The following PSMD1 variants were observed in gnomAD, a reference collection of about 807,000 sequenced individuals.
PSMD1 encodes the protein proteasome 26S subunit, non-ATPase 1, also known as 26S proteasome non-ATPase regulatory subunit 1.
Under a neutral mutation model 119.0 loss-of-function variants are expected in PSMD1, and 18 were observed. The observed-to-expected ratio is 0.15, with a 90% CI of 0.10 to 0.22. The LOEUF (loss-of-function observed/expected upper bound fraction) is 0.22. Among genes scored for constraint, PSMD1 ranks in the 10% least tolerant of loss-of-function variants. PSMD1 has a pLI of 1.00. For synonymous variants in PSMD1, 374 were observed against 396.6 expected, an observed-to-expected ratio of 0.94 and a Z score of 0.68; for missense variants, 702 against 1,158.5, an observed-to-expected ratio of 0.61 and a Z score of 5.72.
chr2:231,061,802 TCAAGTGATCCCCCCG>T (rs1163380910), intron 2 of PSMD1, among the ~76,000 whole-genome samples: 1 of 152,142 alleles, frequency 6.6e-6, no homozygotes, highest in Non-Finnish European at 1.5e-5. Flanking sequence ...GCTCCTGGGC[TCAAGTGATCCCCCCG>T]CCTTGACCTC....
At position 231,170,812 on chromosome 2, in the gene PSMD1, C is replaced by T. The variant is rs1696895421; in HGVS notation, c.*9+91C>T. ...GGACATCATCTCACGTTTTTCCTTCCTTTTGTGTTTAATCCTTATTTACCT... is the reference window on the plus strand; with the variant it reads ...GGACATCATCTCACGTTTTTCCTTCTTTTTGTGTTTAATCCTTATTTACCT... On this transcript the variant is annotated intron_variant, in intron 24 of 24. Coordinates refer to ENST00000308696, the MANE Select transcript of PSMD1 (RefSeq NM_002807.4). This position sits in a 1 kb window ranked among gnomAD's most constrained non-coding sequence, Gnocchi z 4.1. 1.5e-6 allele frequency: 2 copies of T among 1,345,602 alleles called. No homozygotes were observed. Among genetic ancestry groups the T allele is most frequent in the Non-Finnish European group, 2.0e-6 (2 of 1,002,644 alleles). 83.4% of individuals were successfully genotyped at this position (1,345,602 alleles called of 1,614,324 possible).
At chr2:231,060,705 A>G (rs2125149980) in intron 1 of PSMD1, among the ~76,000 whole-genome samples, 1 of 152,340 alleles carries the variant, frequency 6.6e-6, no homozygotes, top group Middle Eastern at 3.4e-3. Flanking sequence ...TTGTGATAGG[A>G]AAGAGGTGCC....
chr2:231,167,386 C>T (rs1696810874), intron 23 of PSMD1, among the ~76,000 whole-genome samples: 1 of 152,212 alleles, frequency 6.6e-6, no homozygotes, highest in Non-Finnish European at 1.5e-5. Context: ...CAGTGAGGCA[C>T]GTGCTCAATG....
At chr2:231,154,140 A>G (rs895211450) in intron 19 of PSMD1, among the ~76,000 whole-genome samples, 2 of 148,198 alleles carry the variant, frequency 1.3e-5, no homozygotes, top group African/African-American at 5.0e-5. Flanking sequence ...AAAAAAAAGT[A>G]CAGGCTGTTG....
rs1301294617 is a variant in PSMD1 at position 231,170,662 on chromosome 2, G to A, written c.2812G>A (p.Glu938Lys). 1 of 1,614,106 alleles carries A rather than the reference G, an allele frequency of 6.2e-7. No individual in the cohort carries two copies. Among genetic ancestry groups the A allele is most frequent in the East Asian group, 2.2e-5 (1 of 44,876 alleles). ...VAAHGPKIEE[E>K]EQEPEPPEPF... ...AGCACATGGCCCAAAAATCGAGGAG[G>A]AGGAACAAGAGCCAGAACCCCCAGA... The change falls in exon 24 of 25, where the codon GAG becomes AAG. Residue 938 changes from glutamate (E) to lysine (K), a missense_variant. By Grantham distance (56) the Glu-to-Lys change is moderately conservative. This residue lies in a region of PSMD1 where 152 missense variants were observed against 239.3 expected (regional missense o/e 0.64). Coordinates refer to ENST00000308696, the MANE Select transcript of PSMD1 (RefSeq NM_002807.4). The surrounding 1 kb of genome is among the most constrained non-coding windows in gnomAD (Gnocchi z 4.1).
chr2:231,094,681 G>A (rs115356147), intron 16 of PSMD1, among the ~76,000 whole-genome samples: 6,072 of 152,204 alleles, frequency 0.04, 166 homozygotes, highest in Middle Eastern at 0.12. Flanking sequence ...TACCAGAACC[G>A]TCAGTAAAAA....
chr2:231,132,764 CA>C (rs750720881), intron 16 of PSMD1, among the ~76,000 whole-genome samples: 10 of 152,240 alleles, frequency 6.6e-5, no homozygotes, highest in Non-Finnish European at 1.2e-4. Flanking sequence ...CTGTCTACCA[CA>C]ACAAATGGAA....
intron 24 of PSMD1, among the ~76,000 whole-genome samples, chr2:231,171,572 T>TTGG (rs1696910500): frequency 6.8e-6 from 1 of 147,290 alleles, no homozygotes; most frequent in African/African-American, 2.5e-5. Context: ...TTTTTTTTTT[T>TTGG]GAGACGGAGT....
intron 16 of PSMD1, chr2:231,123,485 T>A (rs1338595396): frequency 6.2e-7 from 1 of 1,614,036 alleles, no homozygotes; most frequent in Non-Finnish European, 8.5e-7. Context: ...GCCAAGGACA[T>A]TAGAAAGTAA....
At chr2:231,147,874 G>C (rs891157680) in intron 18 of PSMD1, among the ~76,000 whole-genome samples, 1 of 152,128 alleles carries the variant, frequency 6.6e-6, no homozygotes. Flanking sequence ...GATTTGAGGA[G>C]GTAGAGAAAA....
chr2:231,072,231 T>C lies in PSMD1; in HGVS notation c.697T>C (p.Leu233=). The C allele has an allele frequency of 6.2e-7, 1 of 1,613,850 alleles. No individual in the cohort carries two copies. Among genetic ancestry groups the C allele is most frequent in the East Asian group, 2.2e-5 (1 of 44,876 alleles). ...TGATCCTCAGGCTGTGAGTGATATC[T>C]TAGAGAAACTGGTAAAGGAAGACAA... ...LDDPQAVSDI[L]EKLVKEDNLL... is the part of the protein sequence containing the mutation. The change falls in exon 7 of 25, where the codon TTA becomes CTA. Residue 233 remains leucine (L), a synonymous_variant. Coordinates refer to ENST00000308696, the MANE Select transcript of PSMD1 (RefSeq NM_002807.4).
intron 19 of PSMD1, among the ~76,000 whole-genome samples, chr2:231,155,433 G>A (rs117766473): frequency 6.6e-6 from 1 of 151,976 alleles, no homozygotes; most frequent in East Asian, 1.9e-4. Flanking sequence ...CTTGCTGAGA[G>A]TGTTTTAATC....
intron 16 of PSMD1, among the ~76,000 whole-genome samples, chr2:231,103,329 C>CA (rs1694912613): frequency 6.6e-6 from 1 of 152,182 alleles, no homozygotes; most frequent in Non-Finnish European, 1.5e-5. Flanking sequence ...AGACTCTAGA[C>CA]AATTTTCACA....
At position 231,056,952 on chromosome 2, in the gene PSMD1, C is replaced by A. The variant is rs1160685943; in HGVS notation, c.-74C>A. On this transcript the variant is annotated 5_prime_UTR_variant, in exon 1 of 25. Coordinates refer to ENST00000308696, the MANE Select transcript of PSMD1 (RefSeq NM_002807.4). ...GAGCAAGGAGGCGCGGTGAACTGAG[C>A]GGCCCCTGAGCTGACAGATACACTG... is the stretch of plus-strand genomic sequence containing the variant. 6 of 1,528,764 alleles carry A rather than the reference C, an allele frequency of 3.9e-6. No homozygotes were observed. The highest frequency in any genetic ancestry group is 1.9e-4 in the Middle Eastern group (1 of 5,284). 94.7% of individuals were successfully genotyped at this position (1,528,764 alleles called of 1,614,324 possible).
chr2:231,105,810 T>C (rs1209119179), intron 16 of PSMD1, among the ~76,000 whole-genome samples: 2 of 151,608 alleles, frequency 1.3e-5, no homozygotes, highest in South Asian at 4.1e-4. Context: ...ACACTAACAC[T>C]AACTTCATGA....
At chr2:231,165,741 A>G in intron 22 of PSMD1, 130 bp from the exon 23 acceptor site, 1 of 734,950 alleles carries the variant, frequency 1.4e-6, no homozygotes, top group South Asian at 2.3e-5. Flanking sequence ...ATAGCACTTT[A>G]GTTGTACTTC....
intron 16 of PSMD1, among the ~76,000 whole-genome samples, chr2:231,087,854 C>T (rs1239656692): frequency 2.0e-5 from 3 of 151,788 alleles, no homozygotes; most frequent in Non-Finnish European, 2.9e-5. Flanking sequence ...CTCAGCTACT[C>T]GGGAGGCTGA....
intron 1 of PSMD1, 136 bp downstream of exon 1, chr2:231,057,177 C>A: frequency 8.8e-7 from 1 of 1,134,026 alleles, no homozygotes; most frequent in Non-Finnish European, 1.2e-6. Flanking sequence ...AGGGCCCACC[C>A]CCGGGCCGGG....
chr2:231,078,814 T>C, intron 10 of PSMD1, 67 bp downstream of exon 10: 1 of 1,129,264 alleles, frequency 8.9e-7, no homozygotes, highest in Non-Finnish European at 1.2e-6. Flanking sequence ...TTTTTTTTTT[T>C]TGTGCAGTCT....
Sources: allele counts gnomAD v4.1 joint callset (sites outside exome capture counted in the v4.1 genomes callset), GRCh38; gene constraint gnomAD v4.1.1; regional missense constraint gnomAD v4.1.1; non-coding constraint Gnocchi (gnomAD v3.1); transcripts MANE v1.5; gene names NCBI Gene and HGNC (gene_info 2026-07-23, HGNC 2026-07-21).